Variants in CNKSR3 observed in about 807,000 individuals in gnomAD.
The protein encoded by CNKSR3 is connector enhancer of kinase suppressor of ras 3.
CNKSR3 carries 36 observed loss-of-function variants against 67.7 expected under a neutral mutation model. The observed-to-expected ratio is 0.53, with a 90% confidence interval of 0.41 to 0.70. CNKSR3 has a LOEUF of 0.70. Ranked by LOEUF, CNKSR3 falls within the 30% of genes least tolerant of loss-of-function variation. The pLI, the probability that CNKSR3 is intolerant of heterozygous loss-of-function variation, is 0.00. For synonymous variants in CNKSR3, 281 were observed against 271.4 expected, an observed-to-expected ratio of 1.04 and a Z score of -0.35; for missense variants, 630 against 695.2, an observed-to-expected ratio of 0.91 and a Z score of 1.05.
At chr6:154,428,046 G>T in intron 7 of CNKSR3, 82 bp downstream of exon 7, 1 of 913,740 alleles carries the variant, frequency 1.1e-6, no homozygotes, top group Non-Finnish European at 1.8e-6. Context: ...GCATGCACAC[G>T]TTTAAATTCA....
intron 7 of CNKSR3, among the ~76,000 whole-genome samples, chr6:154,427,827 A>G (rs1441015802): frequency 1.3e-5 from 2 of 152,248 alleles, no homozygotes; most frequent in Non-Finnish European, 2.9e-5. Flanking sequence ...AAAAACAAAA[A>G]GATCATTGCT....
intron 1 of CNKSR3, among the ~76,000 whole-genome samples, chr6:154,459,996 C>G (rs1315829802): frequency 6.6e-6 from 1 of 152,228 alleles, no homozygotes; most frequent in Non-Finnish European, 1.5e-5. Flanking sequence ...ACCCCAACCC[C>G]AACAGATTCT....
chr6:154,389,720 A>C lies in CNKSR3; in HGVS notation c.*16634T>G, dbSNP rs1252207739. 6.6e-6 allele frequency: 1 copy of C among 152,260 alleles called. No individual in the cohort carries two copies. Among genetic ancestry groups the C allele is most frequent in the Non-Finnish European group, 1.5e-5 (1 of 68,054 alleles). 9.4% of individuals were successfully genotyped at this position (152,260 alleles called of 1,614,324 possible). On this transcript the variant is annotated 3_prime_UTR_variant, in exon 13 of 13. Coordinates refer to ENST00000607772, the MANE Select transcript of CNKSR3 (RefSeq NM_173515.4). Reference sequence around the variant, plus strand: ...TAAAGTTGCATAATACAAAATCAACATACAAAAATCAGTTGCGATTTCTAT... The same window carrying C: ...TAAAGTTGCATAATACAAAATCAACCTACAAAAATCAGTTGCGATTTCTAT...
At chr6:154,465,288 T>C (rs1369198849) in intron 1 of CNKSR3, among the ~76,000 whole-genome samples, 2 of 151,986 alleles carry the variant, frequency 1.3e-5, no homozygotes, top group African/African-American at 2.4e-5. Flanking sequence ...TCTTACCAAA[T>C]ATTATGGTTA....
At chr6:154,475,706 C>T (rs1298371562) in intron 1 of CNKSR3, among the ~76,000 whole-genome samples, 1 of 152,200 alleles carries the variant, frequency 6.6e-6, no homozygotes, top group Non-Finnish European at 1.5e-5. Context: ...GGCGGAGCCA[C>T]CCTGCTGCAC....
At chr6:154,423,551 C>A (rs1050804553) in intron 7 of CNKSR3, among the ~76,000 whole-genome samples, 1 of 152,120 alleles carries the variant, frequency 6.6e-6, no homozygotes, top group African/African-American at 2.4e-5. Flanking sequence ...AGCCACCGCG[C>A]CCAGTCTGGA....
intron 1 of CNKSR3, among the ~76,000 whole-genome samples, chr6:154,487,121 T>C (rs1021221903): frequency 1.3e-5 from 2 of 152,236 alleles, no homozygotes; most frequent in Admixed American, 1.3e-4. Flanking sequence ...ATTAACACAC[T>C]GCATAAAGGA....
chr6:154,433,807 T>C (rs1785417638), intron 4 of CNKSR3: 2 of 268,090 alleles, frequency 7.5e-6, no homozygotes, highest in South Asian at 1.8e-4. Context: ...ATCCACCTAC[T>C]CTCCAGACTG....
intron 1 of CNKSR3, among the ~76,000 whole-genome samples, chr6:154,482,246 A>C (rs1786581066): frequency 6.6e-6 from 1 of 152,226 alleles, no homozygotes; most frequent in Non-Finnish European, 1.5e-5. Context: ...TGGCCTTAAA[A>C]GAAGACTAAA....
chr6:154,478,913 T>G (rs908526459), intron 1 of CNKSR3, among the ~76,000 whole-genome samples: 1 of 152,232 alleles, frequency 6.6e-6, no homozygotes, highest in African/African-American at 2.4e-5. Flanking sequence ...ATCATGAGAA[T>G]GCCATGCTGG....
intron 1 of CNKSR3, among the ~76,000 whole-genome samples, chr6:154,450,590 CTT>C (rs2128719213): frequency 6.6e-6 from 1 of 152,244 alleles, no homozygotes; most frequent in Admixed American, 6.5e-5. Context: ...CTAAGCAACC[CTT>C]CTTTTGGGAC....
intron 12 of CNKSR3, 53 bp from the exon 13 acceptor site, chr6:154,406,705 C>T (rs1275400609): frequency 1.6e-5 from 24 of 1,506,130 alleles, no homozygotes; most frequent in Non-Finnish European, 2.1e-5. Context: ...CGTGGTGGCT[C>T]ACACCTGTAA....
chr6:154,406,844 G>C (rs956232102), intron 12 of CNKSR3, among the ~76,000 whole-genome samples, 192 bp from the exon 13 acceptor site: 1 of 151,956 alleles, frequency 6.6e-6, no homozygotes, highest in African/African-American at 2.4e-5. Flanking sequence ...GCGGGCGCCT[G>C]TAGTCCCAGC....
intron 10 of CNKSR3, among the ~76,000 whole-genome samples, chr6:154,413,799 T>C (rs773194089): frequency 2.0e-5 from 3 of 151,982 alleles, no homozygotes; most frequent in Admixed American, 6.6e-5. Flanking sequence ...CCAGGCTGGA[T>C]TGCAATGGCA....
chr6:154,397,837 A>G lies in CNKSR3; in HGVS notation c.*8517T>C, dbSNP rs575262753. The G allele has an allele frequency of 2.6e-5, 4 of 152,340 alleles. No homozygotes were observed. The highest frequency in any genetic ancestry group is 9.6e-5 in the African/African-American group (4 of 41,486). 9.4% of individuals were successfully genotyped at this position (152,340 alleles called of 1,614,324 possible). On this transcript the variant is annotated 3_prime_UTR_variant, in exon 13 of 13. Transcript: ENST00000607772. The stretch of plus-strand genomic sequence containing the variant: ...CAGGGTAGGCCCTGGAAGATGAGTA[A>G]AAGCAAATCTGCGGCCATCACTAGG...
rs139593048 is a variant in CNKSR3, at chr6:154,502,910, T to C, written c.52+7153A>G. On this transcript the variant is annotated intron_variant, in intron 1 of 12. Transcript: ENST00000607772. ...ACACGCTGGGTGAAAAGAGAGGCAG[T>C]GACACAGGCATGGGGACACAGACGG... Among the ~76,000 whole-genome samples, 759 of 152,196 alleles carry C rather than the reference T, an allele frequency of 5.0e-3. 5 individuals are homozygous for C. Among genetic ancestry groups the C allele is most frequent in the African/African-American group, 0.017 (708 of 41,538 alleles).
At chr6:154,505,496 ATTTTTTT>A (rs779033286) in intron 1 of CNKSR3, among the ~76,000 whole-genome samples, 1 of 138,804 alleles carries the variant, frequency 7.2e-6, no homozygotes, top group African/African-American at 2.7e-5. Context: ...TATTATTATT[ATTTTTTT>A]TTTTTTTTTT....
chr6:154,449,949 C>T (rs1171050653), intron 2 of CNKSR3, 146 bp downstream of exon 2: 3 of 773,724 alleles, frequency 3.9e-6, no homozygotes, highest in Non-Finnish European at 3.9e-6. Flanking sequence ...TTATTTTTCC[C>T]CTTCCTATAG....
intron 1 of CNKSR3, among the ~76,000 whole-genome samples, chr6:154,501,732 A>G (rs1786999256): frequency 6.6e-6 from 1 of 152,154 alleles, no homozygotes; most frequent in Non-Finnish European, 1.5e-5. Context: ...ATTTATGCTT[A>G]TCAGTAGAAA....
Sources: allele counts gnomAD v4.1 joint callset (sites outside exome capture counted in the v4.1 genomes callset), GRCh38; gene constraint gnomAD v4.1.1; transcripts MANE v1.5; gene names NCBI Gene and HGNC (gene_info 2026-07-23, HGNC 2026-07-21).